Variants in NFE2L3 observed in about 807,000 individuals in gnomAD.
The protein encoded by NFE2L3 is NFE2 like bZIP transcription factor 3.
In NFE2L3, 18 loss-of-function variants were observed where a neutral mutation model predicts 23.5. The ratio of observed to expected loss-of-function variants is 0.77; its 90% confidence interval spans 0.53 to 1.13. The LOEUF is 1.13. NFE2L3 is among the 50% of genes most tolerant of loss of function. NFE2L3 has a pLI of 0.00. For missense variants in NFE2L3, 1,152 were observed against 877.2 expected (o/e 1.31, Z -3.96); for synonymous variants, 424 against 354.5 (o/e 1.20, Z -2.20).
intron 3 of NFE2L3, chr7:26,184,018 A>AAACT (rs1308039436): frequency 3.9e-6 from 2 of 510,786 alleles, no homozygotes; most frequent in Non-Finnish European, 6.9e-6. Flanking sequence ...ATTTCTCAAA[A>AAACT]AACTAAAAGA....
In NFE2L3 at chr7:26,152,527, C is replaced by G; in HGVS notation, c.29C>G (p.Ala10Gly). The G allele has an allele frequency of 7.0e-7, 1 of 1,418,702 alleles. No individual in the cohort carries two copies. The highest frequency in any genetic ancestry group is 9.2e-7 in the Non-Finnish European group (1 of 1,085,464). 87.9% of individuals were successfully genotyped at this position (1,418,702 alleles called of 1,614,324 possible). A position where few individuals can be genotyped will look rare whatever the true frequency, so the allele number is the denominator to read the frequency against. The change falls in exon 1 of 4, where the codon GCC becomes GGC. Residue 10 changes from alanine (A) to glycine (G), a missense_variant. By Grantham distance (60) the Ala-to-Gly change is moderately conservative. Coordinates refer to ENST00000056233, the MANE Select transcript of NFE2L3 (RefSeq NM_004289.7). This position sits in a 1 kb window ranked among gnomAD's most constrained non-coding sequence, Gnocchi z 4.4. Reference protein sequence around the residue: MKHLKRWWSAGGGLLHLTLL... With the variant: MKHLKRWWSGGGGLLHLTLL... Reference sequence around the variant, plus strand: ...AAGCACCTGAAGCGGTGGTGGTCGGCCGGCGGCGGCCTCCTGCACCTCACC... The same window carrying G: ...AAGCACCTGAAGCGGTGGTGGTCGGGCGGCGGCGGCCTCCTGCACCTCACC...
intron 2 of NFE2L3, among the ~76,000 whole-genome samples, chr7:26,182,494 C>T (rs1276423375): frequency 6.6e-6 from 1 of 151,920 alleles, no homozygotes; most frequent in African/African-American, 2.4e-5. Flanking sequence ...CGCAGTGACA[C>T]ATGCCTGTAG....
In NFE2L3 at chr7:26,185,443, T is replaced by A; in HGVS notation, c.1745T>A (p.Ile582Asn). ...CTACAAGTCTCACTTATCCGTGACA[T>A]CAGACGAAGAGGGAAAAATAAAGTT... ...TDLQVSLIRD[I>N]RRRGKNKVAA... The change falls in exon 4 of 4, where the codon ATC becomes AAC. Residue 582 changes from isoleucine to asparagine, a missense_variant. Coordinates refer to ENST00000056233, the MANE Select transcript of NFE2L3 (RefSeq NM_004289.7). The A allele has an allele frequency of 6.2e-7, 1 of 1,614,088 alleles. No individual in the cohort carries two copies. Among genetic ancestry groups the A allele is most frequent in the Non-Finnish European group, 8.5e-7 (1 of 1,179,954 alleles).
At position 26,184,798 on chromosome 7, in the gene NFE2L3, C is replaced by T. The variant is rs1326826018; in HGVS notation, c.1100C>T (p.Pro367Leu). 9.3e-6 allele frequency: 15 copies of T among 1,613,794 alleles called. No homozygotes were observed. The highest frequency in any genetic ancestry group is 2.2e-5 in the East Asian group (1 of 44,890). ...ACTAATTTGACAGGATTTCTTTCAC[C>T]GGTTGACAATCATATGAGGAATCTA... ...PGTNLTGFLS[P>L]VDNHMRNLTS... The change falls in exon 4 of 4, where the codon CCG (proline) becomes CTG (leucine). Residue 367 changes from proline (P) to leucine (L), a missense_variant. Physicochemically the swap from Pro to Leu is moderately conservative, Grantham distance 98. Coordinates refer to ENST00000056233, the MANE Select transcript of NFE2L3 (RefSeq NM_004289.7).
chr7:26,162,051 G>A (rs574762019), intron 1 of NFE2L3, among the ~76,000 whole-genome samples: 67 of 151,738 alleles, frequency 4.4e-4, no homozygotes, highest in African/African-American at 1.4e-3. Flanking sequence ...GCTGAGGCAC[G>A]AGAATCGCTT....
intron 1 of NFE2L3, among the ~76,000 whole-genome samples, chr7:26,162,308 C>T (rs1005725606): frequency 2.6e-5 from 4 of 151,864 alleles, no homozygotes; most frequent in Non-Finnish European, 5.9e-5. Context: ...TGCATTTCTG[C>T]GTGTATAAAT....
chr7:26,174,643 A>G (rs553687398), intron 1 of NFE2L3: 1 of 152,370 alleles, frequency 6.6e-6, no homozygotes, highest in East Asian at 1.9e-4. Flanking sequence ...GACCAGCAGA[A>G]CATCAGCCTC....
chr7:26,153,587 C>CTA (rs1562667272), intron 1 of NFE2L3, among the ~76,000 whole-genome samples: 2 of 152,200 alleles, frequency 1.3e-5, no homozygotes, highest in African/African-American at 4.8e-5. Context: ...TGGTCAGGGT[C>CTA]TATTCAGAGG....
intron 1 of NFE2L3, among the ~76,000 whole-genome samples, chr7:26,163,074 C>G (rs1024473807): frequency 2.0e-5 from 3 of 152,154 alleles, no homozygotes; most frequent in East Asian, 1.9e-4. Context: ...CCCTCCCCAT[C>G]ATGTAGCTTC....
chr7:26,183,472 T>G (rs888777124), intron 2 of NFE2L3, among the ~76,000 whole-genome samples: 1 of 143,982 alleles, frequency 6.9e-6, no homozygotes, highest in African/African-American at 2.5e-5. Context: ...CCTTTGAACC[T>G]GGGAGGCAGA....
At position 26,179,856 on chromosome 7, in the gene NFE2L3, T is replaced by C. The variant is rs528911026; in HGVS notation, c.750+1734T>C. On this transcript the variant is annotated intron_variant, in intron 2 of 3. Coordinates refer to ENST00000056233, the MANE Select transcript of NFE2L3 (RefSeq NM_004289.7). ...GTTTCTCTTGACCACGCGATACATT[T>C]AAATATTATACAACTCTTTGTCACG... Among the ~76,000 whole-genome samples, 7 of 152,298 alleles carry C rather than the reference T, an allele frequency of 4.6e-5. No individual in the cohort carries two copies. In the South Asian group the frequency reaches 1.5e-3, roughly 32 times the overall value.
chr7:26,184,308 T>C, intron 3 of NFE2L3: 1 of 507,738 alleles, frequency 2.0e-6, no homozygotes, highest in Non-Finnish European at 3.5e-6. Flanking sequence ...GCTTTTATAC[T>C]AATCCATCTT....
intron 1 of NFE2L3, among the ~76,000 whole-genome samples, chr7:26,157,610 A>C (rs1784101222): frequency 6.6e-6 from 1 of 152,186 alleles, no homozygotes; most frequent in South Asian, 2.1e-4. Flanking sequence ...TATGTTACGG[A>C]AATAGTCTTA....
In NFE2L3 at chr7:26,152,274, TC is replaced by T. The variant is rs1784007760; in HGVS notation, c.-222del. ...GCTCAGGTGGCTCCTTCTTCGCTTC[TC>T]CCGATCCCCGGCGGTGCCAGGCACG... On this transcript the variant is annotated 5_prime_UTR_variant, in exon 1 of 4. Coordinates refer to ENST00000056233, the MANE Select transcript of NFE2L3 (RefSeq NM_004289.7). This position sits in a 1 kb window ranked among gnomAD's most constrained non-coding sequence, Gnocchi z 4.4. 2 of 244,706 alleles carry T rather than the reference TC, an allele frequency of 8.2e-6. No individual in the cohort carries two copies. Among genetic ancestry groups the T allele is most frequent in the Non-Finnish European group, 1.5e-5 (2 of 131,036 alleles). The allele number at this position is 244,706 out of a possible 1,614,324, so 15.2% of individuals were successfully genotyped here. A position where few individuals can be genotyped will look rare whatever the true frequency, so the allele number is the denominator to read the frequency against.
chr7:26,153,167 C>T (rs1377658682), intron 1 of NFE2L3, 99 bp downstream of exon 1: 1 of 1,215,894 alleles, frequency 8.2e-7, no homozygotes, highest in Non-Finnish European at 1.1e-6. Flanking sequence ...CTCGCTGTGT[C>T]CTGGCACCCT....
intron 1 of NFE2L3, among the ~76,000 whole-genome samples, chr7:26,176,944 T>C (rs1396693443): frequency 8.1e-5 from 7 of 86,880 alleles, no homozygotes; most frequent in African/African-American, 3.1e-4. Context: ...GCAGAGATGC[T>C]CCTCACTTCC....
chr7:26,185,578 G>T lies in NFE2L3; in HGVS notation c.1880G>T (p.Cys627Phe). The change falls in exon 4 of 4, where the codon TGT becomes TTT. Residue 627 changes from cysteine to phenylalanine, a missense_variant. Cys to Phe is a radical substitution (Grantham distance 205). Coordinates refer to ENST00000056233, the MANE Select transcript of NFE2L3 (RefSeq NM_004289.7). ...KETLKREQAQ[C>F]NKAINIMKQK... Reference sequence around the variant, plus strand: ...ACTCTTAAGAGAGAGCAAGCACAATGTAACAAAGCTATTAACATAATGAAA... The same window carrying T: ...ACTCTTAAGAGAGAGCAAGCACAATTTAACAAAGCTATTAACATAATGAAA... The T allele has an allele frequency of 1.9e-6, 3 of 1,613,790 alleles. No homozygotes were observed. Among genetic ancestry groups the T allele is most frequent in the African/African-American group, 1.3e-5 (1 of 75,036 alleles).
intron 2 of NFE2L3, among the ~76,000 whole-genome samples, chr7:26,180,467 T>C (rs1018251265): frequency 1.3e-5 from 2 of 152,252 alleles, no homozygotes; most frequent in African/African-American, 4.8e-5. Flanking sequence ...GCATACATAC[T>C]GTATTGTCAA....
At chr7:26,158,852 C>A (rs752684096) in intron 1 of NFE2L3, among the ~76,000 whole-genome samples, 7 of 152,222 alleles carry the variant, frequency 4.6e-5, no homozygotes, top group Non-Finnish European at 8.8e-5. Flanking sequence ...CTGGGGCACA[C>A]TTCTTAAGTG....
Sources: gnomAD v4.1 joint callset for allele counts (sites outside exome capture counted in the v4.1 genomes callset) on GRCh38, gnomAD v4.1.1 for gene constraint, Gnocchi (gnomAD v3.1) non-coding constraint, MANE v1.5 for transcripts, NCBI Gene and HGNC (gene_info 2026-07-23, HGNC 2026-07-21) for gene names.